DYM: variants seen among roughly 807,000 people sequenced by gnomAD.
DYM encodes the protein dymeclin.
Under a neutral mutation model 93.1 loss-of-function variants are expected in DYM, and 78 were observed. The ratio of observed to expected loss-of-function variants is 0.84; its 90% confidence interval spans 0.70 to 1.01. The LOEUF (loss-of-function observed/expected upper bound fraction) is 1.01, where lower values mean the gene tolerates loss of function less well. DYM is among the 50% of genes least tolerant of loss of function. The probability of loss-of-function intolerance (pLI) is 0.00; values close to 1 mark genes in which losing one functional copy is unlikely to be tolerated. For synonymous variants in DYM, 321 were observed against 319.7 expected (o/e 1.00, Z -0.04); for missense variants, 789 against 845.0 (o/e 0.93, Z 0.82).
intron 5 of DYM, among the ~76,000 whole-genome samples, chr18:49,368,978 A>C (rs1307168356): frequency 3.9e-5 from 6 of 152,198 alleles, no homozygotes; most frequent in Non-Finnish European, 8.8e-5. Context: ...TTGGCTCTCC[A>C]CTGACCTGCC....
chr18:49,098,973 T>G (rs1294103059), intron 16 of DYM, among the ~76,000 whole-genome samples: 1 of 152,200 alleles, frequency 6.6e-6, no homozygotes, highest in Non-Finnish European at 1.5e-5. Context: ...CTGAGCATAG[T>G]TTTTCTGAGA....
chr18:49,245,056 A>T (rs1396151578), intron 13 of DYM, among the ~76,000 whole-genome samples: 3 of 152,138 alleles, frequency 2.0e-5, no homozygotes, highest in African/African-American at 7.2e-5. Flanking sequence ...GCCTGTCTTT[A>T]CTGCAGTCTC....
chr18:49,320,237 A>G (rs2062360210), intron 8 of DYM, among the ~76,000 whole-genome samples: 1 of 152,176 alleles, frequency 6.6e-6, no homozygotes, highest in East Asian at 1.9e-4. Context: ...TCATCCTCAC[A>G]GTGATTCTAT....
At chr18:49,157,608 T>C (rs376677037) in intron 15 of DYM, among the ~76,000 whole-genome samples, 13 of 152,280 alleles carry the variant, frequency 8.5e-5, no homozygotes, top group African/African-American at 3.1e-4. Flanking sequence ...TATTTGCCCA[T>C]TTTAAAATTC....
At chr18:49,287,714 G>C (rs1410115892) in intron 8 of DYM, among the ~76,000 whole-genome samples, 1 of 151,364 alleles carries the variant, frequency 6.6e-6, no homozygotes, top group Non-Finnish European at 1.5e-5. Context: ...GCGTGGTGGC[G>C]GGCACCTGTA....
At chr18:49,115,254 A>T (rs1427395344) in intron 16 of DYM, among the ~76,000 whole-genome samples, 1 of 152,258 alleles carries the variant, frequency 6.6e-6, no homozygotes, top group East Asian at 1.9e-4. Flanking sequence ...TAAAATGTTA[A>T]AGCTAAATAC....
chr18:49,227,011 A>G (rs747778652), intron 13 of DYM, among the ~76,000 whole-genome samples: 6 of 152,202 alleles, frequency 3.9e-5, no homozygotes, highest in Non-Finnish European at 4.4e-5. Context: ...ATATGCTAAA[A>G]TCAAAACTGT....
rs564601333 is a variant in DYM, at chr18:49,099,223, A to G, written c.1912-1708T>C. On this transcript the variant is annotated intron_variant, in intron 16 of 17. Coordinates refer to ENST00000675505, the MANE Select transcript of DYM (RefSeq NM_001353214.3). ...ACTGAATTTTTTTTTTCTTTCTAAC[A>G]TGCTGAAAGCTGATATTTCACTACT... Among the ~76,000 whole-genome samples the G allele has an allele frequency of 1.1e-4, 17 of 152,290 alleles. 1 individual carries two copies. The South Asian group carries it at 3.1e-3, about 28-fold the overall frequency.
intron 13 of DYM, among the ~76,000 whole-genome samples, chr18:49,241,569 G>A (rs1433245093): frequency 2.0e-5 from 3 of 152,266 alleles, no homozygotes; most frequent in African/African-American, 7.2e-5. Context: ...CCATGTTTTG[G>A]AAGATGGTGG....
chr18:49,149,262 G>A (rs778967360), intron 15 of DYM, among the ~76,000 whole-genome samples: 2 of 152,130 alleles, frequency 1.3e-5, no homozygotes, highest in Non-Finnish European at 2.9e-5. Context: ...CTTGCCCGCC[G>A]CTCACCTCCT....
Position 49,082,529 on chromosome 18 carries a change from T to C in DYM, c.2025+14873A>G, listed in dbSNP as rs115191864. On this transcript the variant is annotated intron_variant, in intron 17 of 17. Transcript: ENST00000675505. ...GGTAGTGTATTATGTCAATATGCTATAGGGTGACATAAACATAGAAAACAC... is the reference window on the plus strand; with the variant it reads ...GGTAGTGTATTATGTCAATATGCTACAGGGTGACATAAACATAGAAAACAC... 4.7e-3 allele frequency among the ~76,000 whole-genome samples: 717 copies of C among 152,328 alleles called. 4 individuals are homozygous for C. The highest frequency in any genetic ancestry group is 0.017 in the African/African-American group (693 of 41,578).
In DYM at chr18:49,079,874, C is replaced by T. The variant is rs1003269965; in HGVS notation, c.2025+17528G>A. 4.6e-3 allele frequency among the ~76,000 whole-genome samples: 698 copies of T among 151,550 alleles called. 6 individuals carry two copies. The highest frequency in any genetic ancestry group is 4.4e-3 in the Non-Finnish European group (296 of 67,662). On this transcript the variant is annotated intron_variant, in intron 17 of 17. Transcript: ENST00000675505. ...CCACCTTCCCCCCCTTTCTATTCCA[C>T]AAAACCGCCATTGTCATCCCGGCCC...
In DYM at chr18:49,420,016, C is replaced by T. The variant is rs528288994; in HGVS notation, c.140+10239G>A. On this transcript the variant is annotated intron_variant, in intron 2 of 17. Coordinates refer to ENST00000675505, the MANE Select transcript of DYM (RefSeq NM_001353214.3). ...GAAATGATTTCAAAAGTTGTTGATG[C>T]TATAGCTCATCCCCAGTATGACCTT... Among the ~76,000 whole-genome samples the T allele has an allele frequency of 5.3e-5, 8 of 152,302 alleles. No homozygotes were observed. The South Asian group carries it at 1.5e-3, about 28-fold the overall frequency.
At chr18:49,414,284 A>T (rs2148239162) in intron 2 of DYM, among the ~76,000 whole-genome samples, 1 of 152,336 alleles carries the variant, frequency 6.6e-6, no homozygotes, top group Non-Finnish European at 1.5e-5. Flanking sequence ...TTTAAACTGT[A>T]CAATTAAAAA....
rs1385575394 is a variant in DYM, at chr18:49,040,614, GA to G, written c.*3440del. ...TGGAATTGTTCTGAATTTGGAGTCA[GA>G]AGGCCTAATAATCAGTCCCTAAAAT... On this transcript the variant is annotated 3_prime_UTR_variant, in exon 18 of 18. Coordinates refer to ENST00000675505, the MANE Select transcript of DYM (RefSeq NM_001353214.3). Among the ~76,000 whole-genome samples the G allele has an allele frequency of 4.6e-5, 7 of 152,186 alleles. No individual in the cohort carries two copies.
intron 17 of DYM, among the ~76,000 whole-genome samples, chr18:49,087,511 T>C (rs1231741618): frequency 6.6e-6 from 1 of 152,242 alleles, no homozygotes; most frequent in African/African-American, 2.4e-5. Flanking sequence ...AGCCTGTTTA[T>C]CAAGAATGAT....
chr18:49,227,209 T>C (rs958163898), intron 13 of DYM, among the ~76,000 whole-genome samples: 4 of 152,188 alleles, frequency 2.6e-5, no homozygotes, highest in Non-Finnish European at 5.9e-5. Context: ...GCAAAACGAT[T>C]TATAGCCATT....
chr18:49,317,646 C>CTCCT (rs71297073), intron 8 of DYM, among the ~76,000 whole-genome samples: 462 of 36,570 alleles, frequency 0.013, 17 homozygotes, highest in African/African-American at 0.031. Context: ...ATCCTCTCCT[C>CTCCT]TCCTTCCTTC....
chr18:49,306,425 T>A (rs2061279320), intron 8 of DYM, among the ~76,000 whole-genome samples: 1 of 152,196 alleles, frequency 6.6e-6, no homozygotes, highest in Non-Finnish European at 1.5e-5. Context: ...ACAAATCACA[T>A]ATTATCCCGC....
Sources: allele counts gnomAD v4.1 joint callset (sites outside exome capture counted in the v4.1 genomes callset), GRCh38; gene constraint gnomAD v4.1.1; transcripts MANE v1.5; gene names NCBI Gene and HGNC (gene_info 2026-07-23, HGNC 2026-07-21).